The following NTM variants were observed in gnomAD, a reference collection of about 807,000 sequenced individuals.
NTM encodes the protein IgLON family member 2.
In NTM, 13 loss-of-function variants were observed where a neutral mutation model predicts 42.1. The observed-to-expected ratio is 0.31, with a 90% CI of 0.20 to 0.49. The LOEUF (loss-of-function observed/expected upper bound fraction) is 0.49, where lower values mean the gene tolerates loss of function less well. Ranked by LOEUF, NTM falls within the 20% of genes least tolerant of loss-of-function variation. The pLI, the probability that NTM is intolerant of heterozygous loss-of-function variation, is 0.99. For synonymous variants in NTM, 187 were observed against 179.2 expected (o/e 1.04, Z -0.35); for missense variants, 373 against 452.8 (o/e 0.82, Z 1.60).
intron 2 of NTM, among the ~76,000 whole-genome samples, chr11:132,141,653 C>T (rs572424715): frequency 6.6e-6 from 1 of 152,240 alleles, no homozygotes; most frequent in African/African-American, 2.4e-5. Context: ...CTCAATAATC[C>T]CTGCTCAAAC....
At chr11:131,396,484 G>C (rs531518500) in intron 1 of NTM, among the ~76,000 whole-genome samples, 1 of 152,230 alleles carries the variant, frequency 6.6e-6, no homozygotes, top group African/African-American at 2.4e-5. Context: ...AGCCATAAAA[G>C]TATATTTTGA....
chr11:131,505,166 G>C (rs896311872), intron 1 of NTM, among the ~76,000 whole-genome samples: 4 of 151,914 alleles, frequency 2.6e-5, no homozygotes, highest in African/African-American at 9.7e-5. Context: ...CCACAGGAGT[G>C]GTTTGAGGAT....
At chr11:132,088,862 C>A (rs143828734) in intron 2 of NTM, among the ~76,000 whole-genome samples, 1,752 of 152,180 alleles carry the variant, frequency 0.012, 29 homozygotes, top group African/African-American at 0.04. Flanking sequence ...TCTGTCAATG[C>A]AGTCTTTTTT....
chr11:132,147,221 G>A (rs1315052518), intron 3 of NTM, among the ~76,000 whole-genome samples: 2 of 148,602 alleles, frequency 1.3e-5, no homozygotes, highest in Non-Finnish European at 3.0e-5. Flanking sequence ...GTGTGAGAGA[G>A]AGAGAGAGAG....
rs778793149 is a variant in NTM at position 132,146,271 on chromosome 11, C to T, written c.168-11C>T. The stretch of plus-strand genomic sequence containing the variant: ...CAGTCCCTTGACGTACCTGTCTGGT[C>T]TTCCCTTCAGGTGCACTATTGACAA... On this transcript the variant is annotated splice_polypyrimidine_tract_variant and intron_variant, in intron 2 of 8. Coordinates refer to ENST00000683400, the MANE Select transcript of NTM (RefSeq NM_001352005.2). The surrounding 1 kb of genome is among the most constrained non-coding windows in gnomAD (Gnocchi z 4.5). The T allele has an allele frequency of 6.2e-7, 1 of 1,614,028 alleles. No homozygotes were observed. Among genetic ancestry groups the T allele is most frequent in the African/African-American group, 1.3e-5 (1 of 75,062 alleles).
intron 2 of NTM, among the ~76,000 whole-genome samples, chr11:132,016,623 T>C (rs1441630376): frequency 6.6e-6 from 1 of 152,042 alleles, no homozygotes; most frequent in Non-Finnish European, 1.5e-5. Context: ...CATGTCTTTA[T>C]GTGAACGTAT....
intron 2 of NTM, among the ~76,000 whole-genome samples, chr11:132,135,399 T>A (rs567786785): frequency 6.6e-6 from 1 of 152,310 alleles, no homozygotes; most frequent in African/African-American, 2.4e-5. Flanking sequence ...GATTTACACA[T>A]AAGATTGCCT....
At chr11:131,679,967 T>C (rs2134773701) in intron 1 of NTM, among the ~76,000 whole-genome samples, 1 of 152,358 alleles carries the variant, frequency 6.6e-6, no homozygotes. Context: ...TCTACTAGTT[T>C]AGGATTCTCT....
intron 1 of NTM, among the ~76,000 whole-genome samples, chr11:131,633,620 CCTCT>C (rs111781828): frequency 1.5e-4 from 16 of 108,984 alleles, no homozygotes; most frequent in South Asian, 3.9e-4. Flanking sequence ...TCACTCTCTC[CCTCT>C]CTCTATCTCT....
At position 132,329,485 on chromosome 11, in the gene NTM, G is replaced by A. The variant is rs369234536; in HGVS notation, c.935-668G>A. Among the ~76,000 whole-genome samples, 26 of 152,322 alleles carry A rather than the reference G, an allele frequency of 1.7e-4. No homozygotes were observed. In the East Asian group the frequency reaches 2.3e-3, roughly 14 times the overall value. On this transcript the variant is annotated intron_variant, in intron 7 of 8. Coordinates refer to ENST00000683400, the MANE Select transcript of NTM (RefSeq NM_001352005.2). ...AGCAAGTGCAACTGTAGCAGCACGG[G>A]TGTGGGTCAGAGCCGCAGGCTGCCC...
chr11:131,419,323 T>C (rs902975787), intron 1 of NTM, among the ~76,000 whole-genome samples: 6 of 152,158 alleles, frequency 3.9e-5, no homozygotes, highest in African/African-American at 1.2e-4. Flanking sequence ...TGAAAATCTG[T>C]TATTAGGTGC....
chr11:131,735,195 A>G lies in NTM; in HGVS notation c.83-176369A>G, dbSNP rs76203223. Reference sequence around the variant, plus strand: ...CATAATGAAAGCCAAACTGAAAACTATTTCTCCTCTGGCTAGATGTTGGCA... The same window carrying G: ...CATAATGAAAGCCAAACTGAAAACTGTTTCTCCTCTGGCTAGATGTTGGCA... On this transcript the variant is annotated intron_variant, in intron 1 of 8. Transcript: ENST00000683400. Among the ~76,000 whole-genome samples, 1,173 of 152,258 alleles carry G rather than the reference A, an allele frequency of 7.7e-3. 16 individuals are homozygous for G. Among genetic ancestry groups the G allele is most frequent in the African/African-American group, 0.023 (958 of 41,534 alleles).
intron 1 of NTM, among the ~76,000 whole-genome samples, chr11:131,753,676 G>A (rs1375151297): frequency 6.6e-6 from 1 of 151,456 alleles, no homozygotes; most frequent in African/African-American, 2.4e-5. Context: ...CTCACTCATA[G>A]GTGGGAATTG....
intron 3 of NTM, among the ~76,000 whole-genome samples, chr11:132,158,232 C>T (rs2073609780): frequency 6.6e-6 from 1 of 152,246 alleles, no homozygotes; most frequent in Non-Finnish European, 1.5e-5. Flanking sequence ...GTCTCCACTA[C>T]TTCCTGATAT....
At chr11:131,635,451 AT>A in intron 1 of NTM, among the ~76,000 whole-genome samples, 1 of 152,220 alleles carries the variant, frequency 6.6e-6, no homozygotes, top group Non-Finnish European at 1.5e-5. Flanking sequence ...CACAAAGAAA[AT>A]TTAAAAATAG....
At chr11:132,093,556 T>G (rs1440201229) in intron 2 of NTM, among the ~76,000 whole-genome samples, 1 of 152,220 alleles carries the variant, frequency 6.6e-6, no homozygotes, top group Admixed American at 6.5e-5. Context: ...CAGAATAGCT[T>G]TCTTTAACAC....
intron 1 of NTM, among the ~76,000 whole-genome samples, chr11:131,457,141 G>T (rs1950969704): frequency 6.6e-6 from 1 of 152,212 alleles, no homozygotes; most frequent in Admixed American, 6.5e-5. Context: ...TGAGAGAGTT[G>T]CTCTCCTCCA....
chr11:131,666,169 C>G (rs182760108), intron 1 of NTM, among the ~76,000 whole-genome samples: 1 of 152,150 alleles, frequency 6.6e-6, no homozygotes, highest in South Asian at 2.1e-4. Context: ...AATTCCTCAA[C>G]CCATGGTCAA....
intron 1 of NTM, among the ~76,000 whole-genome samples, chr11:131,685,382 A>C (rs377138477): frequency 1.3e-5 from 2 of 152,306 alleles, no homozygotes; most frequent in South Asian, 4.1e-4. Flanking sequence ...AGGCAGGCTG[A>C]CAGCACTCAG....
Sources: gnomAD v4.1 joint callset for allele counts (sites outside exome capture counted in the v4.1 genomes callset) on GRCh38, gnomAD v4.1.1 for gene constraint, Gnocchi (gnomAD v3.1) non-coding constraint, MANE v1.5 for transcripts, NCBI Gene and HGNC (gene_info 2026-07-23, HGNC 2026-07-21) for gene names.